The following ATP8B4 variants were observed in gnomAD, a reference collection of about 807,000 sequenced individuals.
ATP8B4 encodes ATPase phospholipid transporting 8B4 (putative), also known as probable phospholipid-transporting ATPase IM.
Under a neutral mutation model 145.6 loss-of-function variants are expected in ATP8B4, and 133 were observed. The ratio of observed to expected loss-of-function variants is 0.91; its 90% confidence interval spans 0.79 to 1.05. The LOEUF is 1.05. Among genes scored for constraint, ATP8B4 ranks in the 50% least tolerant of loss-of-function variants. The pLI is 0.00. For missense variants in ATP8B4, 1,458 were observed against 1,425.2 expected (o/e 1.02, Z -0.37); for synonymous variants, 507 against 492.9 (o/e 1.03, Z -0.38).
At chr15:49,938,310 C>G (rs2153474328) in intron 14 of ATP8B4, among the ~76,000 whole-genome samples, 1 of 152,142 alleles carries the variant, frequency 6.6e-6, no homozygotes, top group South Asian at 2.1e-4. Flanking sequence ...TGCAAATGGT[C>G]TACATGCCCC....
chr15:50,056,648 G>C (rs1009332906), intron 3 of ATP8B4, among the ~76,000 whole-genome samples: 1 of 151,310 alleles, frequency 6.6e-6, no homozygotes, highest in African/African-American at 2.4e-5. Flanking sequence ...AACTAAAAAT[G>C]TTAAAGTTAC....
rs568394930 is a variant in ATP8B4, at chr15:50,022,891, C to T, written c.363-11974G>A. On this transcript the variant is annotated intron_variant, in intron 6 of 27. Transcript: ENST00000284509. ...TAAGAAAGACCTTCTAATGTAATCC[C>T]TTCATTATTCATTGGCACTACTCAA... Among the ~76,000 whole-genome samples, 3 of 152,278 alleles carry T rather than the reference C, an allele frequency of 2.0e-5. No individual in the cohort carries two copies. In the East Asian group the frequency reaches 5.8e-4, roughly 29 times the overall value.
At chr15:49,922,931 A>G (rs1419769765) in intron 17 of ATP8B4, among the ~76,000 whole-genome samples, 2 of 152,174 alleles carry the variant, frequency 1.3e-5, no homozygotes, top group African/African-American at 2.4e-5. Context: ...ACCAGAGACT[A>G]TTTTCCTCTC....
rs117885414 is a variant in ATP8B4, at chr15:49,864,760, T to C, written c.3166+1586A>G. Among the ~76,000 whole-genome samples the C allele has an allele frequency of 8.4e-3, 1,283 of 152,280 alleles. 21 individuals are homozygous for C. Among genetic ancestry groups the C allele is most frequent in the South Asian group, 0.06 (288 of 4,816 alleles). Reference sequence around the variant, plus strand: ...GCCACATTTGCATGAATAATAATAATCACCATCACCATGGTTAACATTTAA... The same window carrying C: ...GCCACATTTGCATGAATAATAATAACCACCATCACCATGGTTAACATTTAA... On this transcript the variant is annotated intron_variant, in intron 26 of 27. Coordinates refer to ENST00000284509, the MANE Select transcript of ATP8B4 (RefSeq NM_024837.4).
intron 1 of ATP8B4, among the ~76,000 whole-genome samples, chr15:50,151,100 C>T (rs1288965655): frequency 6.6e-6 from 1 of 152,210 alleles, no homozygotes; most frequent in Middle Eastern, 3.4e-3. Context: ...CTAGTTTCAG[C>T]TTATAGGGCT....
At chr15:50,120,550 T>G (rs904029721), upstream of ATP8B4, among the ~76,000 whole-genome samples, 7 of 152,126 alleles carry the variant, frequency 4.6e-5, no homozygotes, top group Non-Finnish European at 7.4e-5. Context: ...GAATATAAAT[T>G]GGTAAAATAT....
chr15:49,890,115 C>G (rs1046917099), intron 23 of ATP8B4, among the ~76,000 whole-genome samples: 2 of 152,192 alleles, frequency 1.3e-5, no homozygotes, highest in Admixed American at 1.3e-4. Context: ...AGGGTAGGAA[C>G]AGCATCCCTT....
chr15:50,105,670 G>A (rs566608049), intron 2 of ATP8B4, among the ~76,000 whole-genome samples: 14 of 152,228 alleles, frequency 9.2e-5, no homozygotes, highest in South Asian at 4.1e-4. Context: ...ACCTCAAGTA[G>A]TTATTTCTAG....
At chr15:49,962,779 T>C (rs1158761973) in intron 13 of ATP8B4, among the ~76,000 whole-genome samples, 1 of 152,210 alleles carries the variant, frequency 6.6e-6, no homozygotes, top group Non-Finnish European at 1.5e-5. Flanking sequence ...TATCAAATTG[T>C]TGTGAATCTT....
chr15:50,172,766 G>A (rs1039647331), intron 1 of ATP8B4, among the ~76,000 whole-genome samples: 1 of 151,884 alleles, frequency 6.6e-6, no homozygotes, highest in African/African-American at 2.4e-5. Context: ...CCCCGTCTGA[G>A]ATGTGAAGAG....
intron 20 of ATP8B4, among the ~76,000 whole-genome samples, chr15:49,902,851 C>T (rs902090314): frequency 3.3e-5 from 5 of 152,168 alleles, no homozygotes; most frequent in Admixed American, 3.3e-4. Flanking sequence ...CTTCAGAAAG[C>T]ACCACAGGGA....
At chr15:49,932,488 GTTCTAC>G (rs1268817577) in intron 15 of ATP8B4, among the ~76,000 whole-genome samples, 3 of 152,014 alleles carry the variant, frequency 2.0e-5, no homozygotes, top group Non-Finnish European at 4.4e-5. Context: ...AATAACATAA[GTTCTAC>G]TTCTGGTAAC....
At chr15:50,024,286 A>G (rs1372666692) in intron 6 of ATP8B4, among the ~76,000 whole-genome samples, 1 of 149,876 alleles carries the variant, frequency 6.7e-6, no homozygotes, top group Non-Finnish European at 1.5e-5. Flanking sequence ...CTGAGCCTAG[A>G]AAGAAAAAAA....
At chr15:49,915,584 A>G (rs1474210526) in intron 20 of ATP8B4, among the ~76,000 whole-genome samples, 1 of 152,170 alleles carries the variant, frequency 6.6e-6, no homozygotes, top group Non-Finnish European at 1.5e-5. Flanking sequence ...AAATATGTAT[A>G]AATATTGTAT....
chr15:49,879,522 T>C (rs2035049490), intron 23 of ATP8B4, 63 bp from the exon 24 acceptor site: 2 of 1,416,704 alleles, frequency 1.4e-6, no homozygotes, highest in Non-Finnish European at 1.9e-6. Flanking sequence ...TATTCACATT[T>C]AGGTTAAATA....
chr15:50,154,307 A>G (rs1191755627), intron 1 of ATP8B4, among the ~76,000 whole-genome samples: 2 of 152,202 alleles, frequency 1.3e-5, no homozygotes, highest in South Asian at 4.2e-4. Context: ...CTTTTTTTAC[A>G]TCTCTCTATC....
Position 49,972,790 on chromosome 15 carries a change from A to C in ATP8B4, c.1035T>G (p.Ser345Arg). 1 of 1,610,268 alleles carries C rather than the reference A, an allele frequency of 6.2e-7. No homozygotes were observed. Among genetic ancestry groups the C allele is most frequent in the South Asian group, 1.1e-5 (1 of 90,310 alleles). The change falls in exon 13 of 28, where the codon AGT (serine) becomes AGG (arginine). Residue 345 changes from serine (S) to arginine (R), a missense_variant and splice_region_variant. Coordinates refer to ENST00000284509, the MANE Select transcript of ATP8B4 (RefSeq NM_024837.4). ...NTVVPISLYV[S>R]VEVIRLGHSY... ...TGTGTCCTAGACGAATTACTTCCAC[A>C]CTATCATCCATTAAAATGGAAAAAA...
intron 13 of ATP8B4, 109 bp downstream of exon 13, chr15:49,972,473 A>T: frequency 1.9e-6 from 2 of 1,045,666 alleles, no homozygotes; most frequent in Non-Finnish European, 2.7e-6. Context: ...TGCCCATATT[A>T]ATAAGAAAGC....
At chr15:50,163,388 G>A (rs1439935527) in intron 1 of ATP8B4, among the ~76,000 whole-genome samples, 1 of 152,262 alleles carries the variant, frequency 6.6e-6, no homozygotes, top group Non-Finnish European at 1.5e-5. Flanking sequence ...GACTCATACA[G>A]ATACTGCCTT....
Sources: gnomAD v4.1 joint callset for allele counts (sites outside exome capture counted in the v4.1 genomes callset) on GRCh38, gnomAD v4.1.1 for gene constraint, MANE v1.5 for transcripts, NCBI Gene and HGNC (gene_info 2026-07-23, HGNC 2026-07-21) for gene names.